The following C3orf70 variants were observed in gnomAD, a reference collection of about 807,000 sequenced individuals.
C3orf70 encodes the protein chromosome 3 open reading frame 70, also known as UPF0524 protein C3orf70.
Under a neutral mutation model 20.7 loss-of-function variants are expected in C3orf70, and 15 were observed. The observed-to-expected ratio is 0.72, with a 90% CI of 0.48 to 1.11. The LOEUF (loss-of-function observed/expected upper bound fraction) is 1.11, where lower values mean the gene tolerates loss of function less well. C3orf70 is among the 50% of genes most tolerant of loss of function. C3orf70 has a pLI of 0.00. For missense variants in C3orf70, 332 were observed against 317.6 expected (o/e 1.05, Z -0.34); for synonymous variants, 161 against 125.7 (o/e 1.28, Z -1.88).
intron 1 of C3orf70, among the ~76,000 whole-genome samples, chr3:185,121,573 T>C (rs754857625): frequency 1.3e-5 from 2 of 152,042 alleles, no homozygotes; most frequent in Non-Finnish European, 2.9e-5. Context: ...GCAAGAACAA[T>C]GGTCTTGAGC....
chr3:185,104,408 CTG>C (rs1715883440), intron 1 of C3orf70, among the ~76,000 whole-genome samples: 2 of 152,186 alleles, frequency 1.3e-5, no homozygotes, highest in Admixed American at 6.5e-5. Flanking sequence ...TTGTGGAAAA[CTG>C]TGTGGCAATT....
chr3:185,078,184 T>C lies in C3orf70; in HGVS notation c.*4823A>G, dbSNP rs1276216491. ...TTAGGAAATTACAGAAGAGTCAACATTGTGCTTAAAACTTTAAAATAGTTT... is the reference window on the plus strand; with the variant it reads ...TTAGGAAATTACAGAAGAGTCAACACTGTGCTTAAAACTTTAAAATAGTTT... On this transcript the variant is annotated 3_prime_UTR_variant, in exon 2 of 2. Coordinates refer to ENST00000335012, the MANE Select transcript of C3orf70 (RefSeq NM_001025266.3). The C allele has an allele frequency of 6.6e-6, 1 of 152,640 alleles. No homozygotes were observed. The highest frequency in any genetic ancestry group is 2.4e-5 in the African/African-American group (1 of 41,454). The allele number at this position is 152,640 out of a possible 1,614,324, so 9.5% of individuals were successfully genotyped here.
chr3:185,086,666 T>C (rs1359657551), intron 1 of C3orf70, among the ~76,000 whole-genome samples: 3 of 152,294 alleles, frequency 2.0e-5, no homozygotes, highest in African/African-American at 4.8e-5. Flanking sequence ...GACCAGGACA[T>C]GTAGTAAGAG....
At chr3:185,142,992 A>G (rs1269659171) in intron 1 of C3orf70, among the ~76,000 whole-genome samples, 2 of 152,228 alleles carry the variant, frequency 1.3e-5, no homozygotes, top group Non-Finnish European at 2.9e-5. Flanking sequence ...AAGTTACCTA[A>G]CAATAAAATG....
At chr3:185,115,495 C>A (rs1011576701) in intron 1 of C3orf70, among the ~76,000 whole-genome samples, 1 of 152,136 alleles carries the variant, frequency 6.6e-6, no homozygotes, top group Non-Finnish European at 1.5e-5. Flanking sequence ...AAACTCTTGG[C>A]CCCTCTCTAT....
chr3:185,094,851 G>C (rs1715668712), intron 1 of C3orf70, among the ~76,000 whole-genome samples: 1 of 152,164 alleles, frequency 6.6e-6, no homozygotes, highest in African/African-American at 2.4e-5. Context: ...CTCACAAGGA[G>C]AGGTCACTGG....
At chr3:185,116,170 CT>C (rs1716169299) in intron 1 of C3orf70, among the ~76,000 whole-genome samples, 1 of 152,164 alleles carries the variant, frequency 6.6e-6, no homozygotes. Flanking sequence ...AATATTTTGG[CT>C]TGCAGATGAA....
At chr3:185,084,377 ATATT>A (rs1207451343) in intron 1 of C3orf70, among the ~76,000 whole-genome samples, 2 of 152,042 alleles carry the variant, frequency 1.3e-5, no homozygotes, top group East Asian at 1.9e-4. Context: ...ATACACCTAC[ATATT>A]TATTTAATAG....
At chr3:185,147,986 C>G (rs567808672) in intron 1 of C3orf70, among the ~76,000 whole-genome samples, 2 of 152,280 alleles carry the variant, frequency 1.3e-5, no homozygotes, top group South Asian at 4.1e-4. Flanking sequence ...TTCTGCAATA[C>G]CATATTTTCC....
chr3:185,122,993 T>TAA (rs34855665), intron 1 of C3orf70, among the ~76,000 whole-genome samples: 22 of 137,480 alleles, frequency 1.6e-4, no homozygotes, highest in African/African-American at 4.5e-4. Flanking sequence ...TCATCTCTAC[T>TAA]AAAAAAAAAA....
chr3:185,078,648 A>C lies in C3orf70; in HGVS notation c.*4359T>G, dbSNP rs910841299. The C allele has an allele frequency of 1.3e-5, 2 of 152,176 alleles. No homozygotes were observed. The highest frequency in any genetic ancestry group is 4.8e-5 in the African/African-American group (2 of 41,438). The allele number at this position is 152,176 out of a possible 1,614,324, so 9.4% of individuals were successfully genotyped here. On this transcript the variant is annotated 3_prime_UTR_variant, in exon 2 of 2. Coordinates refer to ENST00000335012, the MANE Select transcript of C3orf70 (RefSeq NM_001025266.3). ...GTACTACTGAAAAGCCTAAAATATAACTGGCCTCCTCAGTTCTGGTTCACA... is the reference window on the plus strand; with the variant it reads ...GTACTACTGAAAAGCCTAAAATATACCTGGCCTCCTCAGTTCTGGTTCACA...
rs79975038 is a variant in C3orf70 at position 185,152,339 on chromosome 3, A to G, written c.196+289T>C. ...AAAAAAGAAAAAGAAAAGAAAAAAA[A>G]CCAGATTCCCGCTTCCCTGGGACAG... On this transcript the variant is annotated intron_variant, in intron 1 of 1. Transcript: ENST00000335012. 4.0e-3 allele frequency among the ~76,000 whole-genome samples: 608 copies of G among 152,326 alleles called. 3 individuals are homozygous for G. The highest frequency in any genetic ancestry group is 0.014 in the African/African-American group (588 of 41,572).
At position 185,109,525 on chromosome 3, in the gene C3orf70, C is replaced by T. The variant is rs561898769; in HGVS notation, c.197-25962G>A. On this transcript the variant is annotated intron_variant, in intron 1 of 1. Transcript: ENST00000335012. ...CACAAGCAACACCCGTCGAACACAG[C>T]CACTCATCTGGGGACAGATCAAAAA... Among the ~76,000 whole-genome samples, 1,459 of 152,254 alleles carry T rather than the reference C, an allele frequency of 9.6e-3. 14 individuals carry two copies. The highest frequency in any genetic ancestry group is 0.026 in the South Asian group (124 of 4,808).
chr3:185,077,720 C>T lies in C3orf70; in HGVS notation c.*5287G>A, dbSNP rs1001160250. Among the ~76,000 whole-genome samples the T allele has an allele frequency of 2.0e-5, 3 of 149,692 alleles. No individual in the cohort carries two copies. The highest frequency in any genetic ancestry group is 2.1e-4 in the South Asian group (1 of 4,764). The stretch of plus-strand genomic sequence containing the variant: ...AGTTAGAACTGCAGCCAACACTGCC[C>T]CACATGACACGTGTAAGCCGAACAG... On this transcript the variant is annotated 3_prime_UTR_variant, in exon 2 of 2. Transcript: ENST00000335012.
At chr3:185,141,489 T>TAACTA (rs1254864234) in intron 1 of C3orf70, among the ~76,000 whole-genome samples, 29 of 152,270 alleles carry the variant, frequency 1.9e-4, no homozygotes, top group African/African-American at 6.7e-4. Context: ...TTATTTATAA[T>TAACTA]AACTAAAAAC....
chr3:185,089,840 A>C (rs1393270426), intron 1 of C3orf70, among the ~76,000 whole-genome samples: 1 of 152,186 alleles, frequency 6.6e-6, no homozygotes, highest in Non-Finnish European at 1.5e-5. Flanking sequence ...TGTTTTTCAA[A>C]GGCCAATCAA....
In C3orf70 at chr3:185,077,217, T is replaced by G. The variant is rs556482857; in HGVS notation, c.*5790A>C. 2.6e-5 allele frequency among the ~76,000 whole-genome samples: 4 copies of G among 152,240 alleles called. No homozygotes were observed. Among genetic ancestry groups the G allele is most frequent in the Admixed American group, 2.0e-4 (3 of 15,290 alleles). On this transcript the variant is annotated 3_prime_UTR_variant, in exon 2 of 2. Coordinates refer to ENST00000335012, the MANE Select transcript of C3orf70 (RefSeq NM_001025266.3). ...TCTCCTCCACTGTGTTGGGACCAGG[T>G]GCACTGAGGTAGACGAGGCACTAGT...
At chr3:185,123,334 C>T (rs1716345201) in intron 1 of C3orf70, among the ~76,000 whole-genome samples, 1 of 151,882 alleles carries the variant, frequency 6.6e-6, no homozygotes, top group African/African-American at 2.4e-5. Flanking sequence ...GATCTCGGCT[C>T]TTTGAAAGAG....
At chr3:185,111,003 T>A (rs935861336) in intron 1 of C3orf70, among the ~76,000 whole-genome samples, 3 of 152,160 alleles carry the variant, frequency 2.0e-5, no homozygotes, top group Admixed American at 1.3e-4. Context: ...CTTTAATTCC[T>A]CTAGCGCTGC....
Sources: gnomAD v4.1 joint callset for allele counts (sites outside exome capture counted in the v4.1 genomes callset) on GRCh38, gnomAD v4.1.1 for gene constraint, MANE v1.5 for transcripts, NCBI Gene and HGNC (gene_info 2026-07-23, HGNC 2026-07-21) for gene names.